The following CNTNAP5 variants were observed in gnomAD, a reference collection of about 807,000 sequenced individuals.
The protein encoded by CNTNAP5 is contactin associated protein family member 5.
A neutral mutation model predicts 150.2 loss-of-function variants in CNTNAP5; 72 were observed. That is an observed-to-expected ratio of 0.48 (90% CI 0.40 to 0.58). The LOEUF is 0.58. CNTNAP5 is among the 20% of genes least tolerant of loss of function. CNTNAP5 has a pLI of 0.00. For synonymous variants in CNTNAP5, 672 were observed against 619.8 expected (o/e 1.08, Z -1.25); for missense variants, 1,636 against 1,626.2 (o/e 1.01, Z -0.10).
At chr2:124,907,936 CATT>C (rs1018661294) in intron 22 of CNTNAP5, among the ~76,000 whole-genome samples, 4 of 151,094 alleles carry the variant, frequency 2.6e-5, no homozygotes, top group African/African-American at 9.7e-5. Context: ...ATTAATGTAT[CATT>C]AGCAAAATTT....
At chr2:124,344,996 G>T (rs780045) in intron 3 of CNTNAP5, among the ~76,000 whole-genome samples, 107,227 of 151,936 alleles carry the variant, frequency 0.71, 38,416 homozygotes, top group African/African-American at 0.8. Flanking sequence ...TTATCAGTTC[G>T]GTGACTGCTT....
intron 11 of CNTNAP5, among the ~76,000 whole-genome samples, chr2:124,577,105 G>T (rs2104944949): frequency 6.6e-6 from 1 of 152,278 alleles, no homozygotes; most frequent in Admixed American, 6.5e-5. Context: ...GTAGTAAAAT[G>T]TACCTTCTAA....
chr2:124,419,495 T>C (rs531335829), intron 4 of CNTNAP5, among the ~76,000 whole-genome samples: 3 of 152,322 alleles, frequency 2.0e-5, no homozygotes, highest in African/African-American at 7.2e-5. Context: ...GTATCTTTTC[T>C]ACAGTATGAG....
rs78305069 is a variant in CNTNAP5 at position 124,268,854 on chromosome 2, A to G, written c.381+26461A>G. Among the ~76,000 whole-genome samples, 343 of 152,284 alleles carry G rather than the reference A, an allele frequency of 2.3e-3. 4 individuals are homozygous for G. Among genetic ancestry groups the G allele is most frequent in the African/African-American group, 7.9e-3 (327 of 41,578 alleles). ...CAAGTGAGCTTAGAGCCCTTTGGTC[A>G]GGAAATTCTGAAGTTTGGATGCATG... On this transcript the variant is annotated intron_variant, in intron 3 of 23. Coordinates refer to ENST00000682447, the MANE Select transcript of CNTNAP5 (RefSeq NM_001367498.1).
At chr2:124,492,200 CA>C (rs1260791730) in intron 7 of CNTNAP5, among the ~76,000 whole-genome samples, 2 of 152,028 alleles carry the variant, frequency 1.3e-5, no homozygotes, top group Non-Finnish European at 2.9e-5. Flanking sequence ...AGACCAATGT[CA>C]AGGATATATT....
At chr2:124,726,296 G>T (rs1044718808) in intron 13 of CNTNAP5, among the ~76,000 whole-genome samples, 1 of 152,152 alleles carries the variant, frequency 6.6e-6, no homozygotes, top group Admixed American at 6.6e-5. Context: ...GAAGGACCTG[G>T]TAAGAGGTGA....
intron 18 of CNTNAP5, among the ~76,000 whole-genome samples, chr2:124,793,167 C>T (rs1681773120): frequency 6.6e-6 from 1 of 152,116 alleles, no homozygotes; most frequent in Non-Finnish European, 1.5e-5. Context: ...AATGAGGGAT[C>T]CAATTTCTTC....
chr2:124,818,683 A>G (rs1445652011), intron 19 of CNTNAP5, among the ~76,000 whole-genome samples: 1 of 152,042 alleles, frequency 6.6e-6, no homozygotes, highest in Non-Finnish European at 1.5e-5. Context: ...TCCTGTAGCC[A>G]CAAGCCTCTT....
At chr2:124,635,444 T>A (rs1227931554) in intron 12 of CNTNAP5, among the ~76,000 whole-genome samples, 2 of 151,988 alleles carry the variant, frequency 1.3e-5, no homozygotes, top group Non-Finnish European at 2.9e-5. Flanking sequence ...TCAAACCATA[T>A]CATGGGGCTA....
chr2:124,088,132 CT>C (rs1259671119), intron 1 of CNTNAP5, among the ~76,000 whole-genome samples: 26 of 152,292 alleles, frequency 1.7e-4, no homozygotes, highest in African/African-American at 6.0e-4. Flanking sequence ...CTTCAGTCTA[CT>C]TTCTGTTTTT....
chr2:124,731,352 C>CT (rs374284678), intron 13 of CNTNAP5, among the ~76,000 whole-genome samples: 279 of 149,400 alleles, frequency 1.9e-3, no homozygotes, highest in African/African-American at 4.3e-3. Flanking sequence ...TTTTTCACTT[C>CT]TTTTTTTTTT....
intron 11 of CNTNAP5, among the ~76,000 whole-genome samples, chr2:124,592,884 C>T (rs945809640): frequency 6.6e-6 from 1 of 151,654 alleles, no homozygotes; most frequent in African/African-American, 2.4e-5. Flanking sequence ...TGTAATTTTT[C>T]CCAGTTTGTC....
intron 1 of CNTNAP5, among the ~76,000 whole-genome samples, chr2:124,139,937 G>A (rs532401457): frequency 6.8e-4 from 103 of 152,262 alleles, no homozygotes; most frequent in Admixed American, 2.2e-3. Context: ...TGCGCGCACC[G>A]TGCACGAGCC....
intron 7 of CNTNAP5, among the ~76,000 whole-genome samples, chr2:124,484,270 C>A (rs1307224214): frequency 2.0e-5 from 3 of 152,208 alleles, no homozygotes; most frequent in African/African-American, 7.2e-5. Flanking sequence ...TAGTCTATTT[C>A]TTTGCAAGAG....
At position 124,914,065 on chromosome 2, in the gene CNTNAP5, C is replaced by T. The variant is rs752393031; in HGVS notation, c.3728-27C>T. On this transcript the variant is annotated intron_variant, in intron 23 of 23. Transcript: ENST00000682447. ...GCAGATGACTCATGACGATTTCCTT[C>T]TCTCTTTCCTTCCCCTTTCTCTCCA... is the stretch of plus-strand genomic sequence containing the variant. 10 of 1,565,334 alleles carry T rather than the reference C, an allele frequency of 6.4e-6. No individual in the cohort carries two copies. The South Asian group carries it at 1.1e-4, about 18-fold the overall frequency.
chr2:124,072,319 A>C lies in CNTNAP5; in HGVS notation c.82+46587A>C, dbSNP rs551398019. Among the ~76,000 whole-genome samples, 479 of 152,142 alleles carry C rather than the reference A, an allele frequency of 3.1e-3. 5 individuals carry two copies. Among genetic ancestry groups the C allele is most frequent in the Non-Finnish European group, 5.0e-3 (337 of 67,874 alleles). ...AGCCTTTCCTCTAAGATGTGGGAAA[A>C]AAATACAAGGATACCCACTTTTACC... is the stretch of plus-strand genomic sequence containing the variant. On this transcript the variant is annotated intron_variant, in intron 1 of 23. Coordinates refer to ENST00000682447, the MANE Select transcript of CNTNAP5 (RefSeq NM_001367498.1).
At chr2:124,748,512 T>G (rs1232157250) in intron 14 of CNTNAP5, among the ~76,000 whole-genome samples, 1 of 152,206 alleles carries the variant, frequency 6.6e-6, no homozygotes, top group African/African-American at 2.4e-5. Flanking sequence ...TTTAAAGCAT[T>G]CTTTGGTTTT....
At chr2:124,557,874 C>A (rs1306798309) in intron 10 of CNTNAP5, among the ~76,000 whole-genome samples, 1 of 151,962 alleles carries the variant, frequency 6.6e-6, no homozygotes. Flanking sequence ...GTGCAAGAAC[C>A]CTGACAAGGT....
chr2:124,185,105 T>TAC (rs1685303954), intron 1 of CNTNAP5, among the ~76,000 whole-genome samples: 1 of 152,228 alleles, frequency 6.6e-6, no homozygotes, highest in Non-Finnish European at 1.5e-5. Context: ...CAGATAAGGA[T>TAC]ATCTGCACAT....
Sources: gnomAD v4.1 joint callset for allele counts (sites outside exome capture counted in the v4.1 genomes callset) on GRCh38, gnomAD v4.1.1 for gene constraint, MANE v1.5 for transcripts, NCBI Gene and HGNC (gene_info 2026-07-23, HGNC 2026-07-21) for gene names.